The following SLC25A48 variants were observed in gnomAD, a reference collection of about 807,000 sequenced individuals.
The protein encoded by SLC25A48 is solute carrier family 25 member 48.
In SLC25A48, 29 loss-of-function variants were observed where a neutral mutation model predicts 32.2. That is an observed-to-expected ratio of 0.90 (90% confidence interval 0.67 to 1.23). SLC25A48 has a LOEUF of 1.23. SLC25A48 is among the 50% of genes most tolerant of loss of function. The probability of loss-of-function intolerance (pLI) is 0.00; values close to 1 mark genes in which losing one functional copy is unlikely to be tolerated. For synonymous variants in SLC25A48, 164 were observed against 172.3 expected (o/e 0.95, Z 0.38); for missense variants, 399 against 422.7 (o/e 0.94, Z 0.49).
At chr5:135,630,923 T>C (rs1752551327) in intron 2 of SLC25A48, among the ~76,000 whole-genome samples, 1 of 152,084 alleles carries the variant, frequency 6.6e-6, no homozygotes, top group African/African-American at 2.4e-5. Context: ...AGTATTCTAA[T>C]GAGCACATCC....
At chr5:135,690,670 T>A (rs1754123255) in intron 3 of SLC25A48, among the ~76,000 whole-genome samples, 1 of 152,032 alleles carries the variant, frequency 6.6e-6, no homozygotes, top group Non-Finnish European at 1.5e-5. Flanking sequence ...CACCCGCCCC[T>A]CCCCATGAGA....
intron 3 of SLC25A48, among the ~76,000 whole-genome samples, chr5:135,643,632 C>T (rs1034127398): frequency 1.3e-5 from 2 of 152,176 alleles, no homozygotes; most frequent in Non-Finnish European, 2.9e-5. Flanking sequence ...ATGGAAAGTC[C>T]GGTCCTTTCA....
intron 3 of SLC25A48, among the ~76,000 whole-genome samples, chr5:135,675,501 T>C (rs1561785651): frequency 6.6e-6 from 1 of 152,004 alleles, no homozygotes; most frequent in South Asian, 2.1e-4. Context: ...TTATTGAAAA[T>C]CAGTTGCTGT....
intron 4 of SLC25A48, among the ~76,000 whole-genome samples, chr5:135,823,134 C>T (rs961087317): frequency 2.6e-5 from 4 of 152,032 alleles, no homozygotes; most frequent in African/African-American, 9.7e-5. Flanking sequence ...GGACTCAAGG[C>T]CCAGGGGCTA....
intron 3 of SLC25A48, among the ~76,000 whole-genome samples, chr5:135,766,462 A>G (rs78888035): frequency 0.043 from 6,456 of 150,218 alleles, 276 homozygotes; most frequent in African/African-American, 0.11. Context: ...TCCTCATATC[A>G]CAAGTGGTGT....
At chr5:135,627,456 TC>T (rs1752463313) in intron 1 of SLC25A48, among the ~76,000 whole-genome samples, 1 of 152,180 alleles carries the variant, frequency 6.6e-6, no homozygotes, top group African/African-American at 2.4e-5. Flanking sequence ...TGACCTTCGA[TC>T]CTAGAAGTGG....
intron 3 of SLC25A48, among the ~76,000 whole-genome samples, chr5:135,767,028 T>G (rs7379919): frequency 0.71 from 107,310 of 151,404 alleles, 39,471 homozygotes; most frequent in Middle Eastern, 0.83. Context: ...CCCATATAGC[T>G]TGGTGTGTAC....
chr5:135,814,239 G>A (rs957932168), intron 4 of SLC25A48, among the ~76,000 whole-genome samples: 1 of 152,166 alleles, frequency 6.6e-6, no homozygotes, highest in Non-Finnish European at 1.5e-5. Flanking sequence ...TCCTTTGGCT[G>A]CCTCTGCTTG....
chr5:135,672,469 A>G (rs761130430), intron 3 of SLC25A48, among the ~76,000 whole-genome samples: 12 of 152,138 alleles, frequency 7.9e-5, no homozygotes, highest in Admixed American at 1.3e-4. Context: ...GTGTCCCCAC[A>G]AGAGTGTGAG....
intron 3 of SLC25A48, among the ~76,000 whole-genome samples, chr5:135,780,160 C>CTT (rs34277772): frequency 0.02 from 773 of 38,810 alleles, 74 homozygotes; most frequent in African/African-American, 0.023. Context: ...GTTTCTTCGT[C>CTT]TTTTTTTTTT....
chr5:135,653,875 C>T (rs1349202218), intron 3 of SLC25A48: 1 of 456,132 alleles, frequency 2.2e-6, no homozygotes, highest in Non-Finnish European at 4.4e-6. Context: ...AATTGTATAG[C>T]CAGACACAGC....
intron 1 of SLC25A48, among the ~76,000 whole-genome samples, chr5:135,628,573 C>T (rs1055242788): frequency 1.3e-5 from 2 of 152,124 alleles, no homozygotes; most frequent in African/African-American, 4.8e-5. Context: ...TAGTGTAAGG[C>T]AGCCTGAGGA....
chr5:135,683,260 G>C (rs1753941831), intron 3 of SLC25A48, among the ~76,000 whole-genome samples: 1 of 152,216 alleles, frequency 6.6e-6, no homozygotes, highest in African/African-American at 2.4e-5. Flanking sequence ...TGGGAATGAG[G>C]AGAACTCTAA....
rs1457035200 is a variant in SLC25A48, at chr5:135,835,136, G to T, written c.46+243G>T. 6 of 695,682 alleles carry T rather than the reference G, an allele frequency of 8.6e-6. 1 individual carries two copies. In the Admixed American group the frequency reaches 1.2e-4, roughly 14 times the overall value. The allele number at this position is 695,682 out of a possible 1,614,324, so 43.1% of individuals were successfully genotyped here. On this transcript the variant is annotated intron_variant, in intron 1 of 7. Coordinates refer to ENST00000681962, the MANE Select transcript of SLC25A48 (RefSeq NM_001349336.2). ...TGATTTGCTCATTAAGTTAGGATCCGTGGGACTTGATGAGGTAATGATTAA... is the reference window on the plus strand; with the variant it reads ...TGATTTGCTCATTAAGTTAGGATCCTTGGGACTTGATGAGGTAATGATTAA...
intron 2 of SLC25A48, among the ~76,000 whole-genome samples, chr5:135,631,695 G>A (rs910429566): frequency 2.0e-5 from 3 of 152,196 alleles, no homozygotes; most frequent in Non-Finnish European, 4.4e-5. Context: ...AATGACAACT[G>A]TAATCGCAGA....
chr5:135,688,480 G>T (rs912643535), intron 3 of SLC25A48, among the ~76,000 whole-genome samples: 1 of 152,212 alleles, frequency 6.6e-6, no homozygotes, highest in African/African-American at 2.4e-5. Flanking sequence ...CAACACTGAA[G>T]AAGTCATAGA....
At chr5:135,718,960 A>G (rs544065027) in intron 3 of SLC25A48, among the ~76,000 whole-genome samples, 56 of 152,166 alleles carry the variant, frequency 3.7e-4, no homozygotes, top group African/African-American at 1.3e-3. Context: ...GAACTATTGA[A>G]CACACACATA....
At chr5:135,650,581 CTCTT>C (rs1753087904) in intron 3 of SLC25A48, 1 of 208,182 alleles carries the variant, frequency 4.8e-6, no homozygotes, top group East Asian at 1.6e-4. Flanking sequence ...AACAACAGAA[CTCTT>C]TCTTTCAAAG....
At chr5:135,737,178 C>T (rs996823240) in intron 3 of SLC25A48, among the ~76,000 whole-genome samples, 6 of 151,360 alleles carry the variant, frequency 4.0e-5, no homozygotes, top group Admixed American at 6.6e-5. Flanking sequence ...CAGGCTGATC[C>T]GAAAAGAGAG....
Sources: gnomAD v4.1 joint callset for allele counts (sites outside exome capture counted in the v4.1 genomes callset) on GRCh38, gnomAD v4.1.1 for gene constraint, MANE v1.5 for transcripts, NCBI Gene and HGNC (gene_info 2026-07-23, HGNC 2026-07-21) for gene names.